TTC13: variants seen among roughly 807,000 people sequenced by gnomAD.
The protein encoded by TTC13 is tetratricopeptide repeat protein 13.
In TTC13, 62 loss-of-function variants were observed where a neutral mutation model predicts 120.0. The observed-to-expected ratio is 0.52, with a 90% confidence interval of 0.42 to 0.64. The LOEUF (loss-of-function observed/expected upper bound fraction) is 0.64. Ranked by LOEUF, TTC13 falls within the 30% of genes least tolerant of loss-of-function variation. The pLI is 0.00. For synonymous variants in TTC13, 384 were observed against 393.5 expected (o/e 0.98, Z 0.28); for missense variants, 824 against 1,050.2 (o/e 0.78, Z 2.98).
At chr1:230,947,010 T>C (rs1675066208) in intron 4 of TTC13, among the ~76,000 whole-genome samples, 1 of 151,970 alleles carries the variant, frequency 6.6e-6, no homozygotes, top group Admixed American at 6.6e-5. Flanking sequence ...CTCTGGGGAG[T>C]GAGATTACTA....
chr1:230,951,785 A>T (rs1675610685), intron 4 of TTC13, among the ~76,000 whole-genome samples: 1 of 152,228 alleles, frequency 6.6e-6, no homozygotes, highest in Non-Finnish European at 1.5e-5. Flanking sequence ...GATTTAGAGA[A>T]TAATCATGTG....
intron 17 of TTC13, among the ~76,000 whole-genome samples, chr1:230,919,454 T>C (rs113929935): frequency 0.029 from 4,393 of 152,292 alleles, 82 homozygotes; most frequent in Non-Finnish European, 0.044. Context: ...AAACACTTCC[T>C]GTTAGGCTCC....
intron 20 of TTC13, among the ~76,000 whole-genome samples, chr1:230,909,299 T>C (rs934870712): frequency 1.3e-5 from 2 of 151,946 alleles, no homozygotes; most frequent in African/African-American, 4.8e-5. Context: ...AGGTCAGGAG[T>C]TTGACAGCAA....
At chr1:230,913,966 C>T (rs1003968682) in intron 18 of TTC13, among the ~76,000 whole-genome samples, 9 of 152,128 alleles carry the variant, frequency 5.9e-5, no homozygotes, top group Non-Finnish European at 1.0e-4. Context: ...CAGGCAATGG[C>T]TGGGTATGGA....
At chr1:230,909,060 G>T in intron 20 of TTC13, 40 bp from the exon 21 acceptor site, 1 of 1,533,690 alleles carries the variant, frequency 6.5e-7, no homozygotes, top group Non-Finnish European at 8.9e-7. Flanking sequence ...ATCCTGGACG[G>T]TCTACAGTTA....
chr1:230,949,938 C>T (rs1490368845), intron 4 of TTC13, among the ~76,000 whole-genome samples: 1 of 152,206 alleles, frequency 6.6e-6, no homozygotes, highest in Non-Finnish European at 1.5e-5. Flanking sequence ...CCTGAGCCAC[C>T]ACGCCCGGCC....
chr1:230,911,553 G>C lies in TTC13; in HGVS notation c.2230-4C>G. 2 of 1,494,104 alleles carry C rather than the reference G, an allele frequency of 1.3e-6. No homozygotes were observed. Among genetic ancestry groups the C allele is most frequent in the Non-Finnish European group, 1.8e-6 (2 of 1,119,800 alleles). The allele number at this position is 1,494,104 out of a possible 1,614,324, so 92.6% of individuals were successfully genotyped here. On this transcript the variant is annotated splice_polypyrimidine_tract_variant and splice_region_variant and intron_variant, in intron 19 of 22. Transcript: ENST00000366661. ...AGTTGCAGACAGCATCAGCCTCCTA[G>C]AAAAAAAAGATACAGACTCATAAAT...
chr1:230,926,426 G>T (rs1026976179), intron 12 of TTC13, among the ~76,000 whole-genome samples: 1 of 152,136 alleles, frequency 6.6e-6, no homozygotes, highest in African/African-American at 2.4e-5. Context: ...AGACTCAGTG[G>T]CCAGGGTTAC....
intron 8 of TTC13, among the ~76,000 whole-genome samples, chr1:230,937,891 G>A (rs1387685066): frequency 6.6e-6 from 1 of 152,164 alleles, no homozygotes; most frequent in Non-Finnish European, 1.5e-5. Context: ...ATTGCCCATG[G>A]AGCTTGGAGC....
At chr1:230,925,128 G>A (rs1374153437) in intron 13 of TTC13, among the ~76,000 whole-genome samples, 155 bp from the exon 14 acceptor site, 1 of 152,150 alleles carries the variant, frequency 6.6e-6, no homozygotes, top group African/African-American at 2.4e-5. Flanking sequence ...CAGTCATGAT[G>A]GTCCTACTAA....
Position 230,923,837 on chromosome 1 carries a change from G to A in TTC13, c.1814+4C>T, listed in dbSNP as rs1319516804. The A allele has an allele frequency of 8.1e-6, 13 of 1,610,968 alleles. No homozygotes were observed. Among genetic ancestry groups the A allele is most frequent in the South Asian group, 1.1e-5 (1 of 90,870 alleles). On this transcript the variant is annotated splice_donor_region_variant and intron_variant, in intron 15 of 22. Coordinates refer to ENST00000366661, the MANE Select transcript of TTC13 (RefSeq NM_024525.5). ...AAGAAGAAAGATGCACAAAAGGTTC[G>A]TACCTGATTAAATTAATGTGGTTGT...
At chr1:230,934,836 C>T (rs1673891460) in intron 8 of TTC13, among the ~76,000 whole-genome samples, 1 of 152,226 alleles carries the variant, frequency 6.6e-6, no homozygotes, top group Admixed American at 6.5e-5. Flanking sequence ...AAGAAAACTA[C>T]TGAAGATGTC....
At chr1:230,956,132 A>G (rs59493856) in intron 3 of TTC13, among the ~76,000 whole-genome samples, 5,701 of 152,332 alleles carry the variant, frequency 0.037, 364 homozygotes, top group African/African-American at 0.13. Flanking sequence ...AAGGAAATAA[A>G]GTAGAAAGTG....
chr1:230,965,628 CAA>C (rs952346635), intron 1 of TTC13, among the ~76,000 whole-genome samples: 11 of 152,154 alleles, frequency 7.2e-5, no homozygotes, highest in African/African-American at 2.7e-4. Context: ...GGTACATACC[CAA>C]AAGACAGGAA....
intron 22 of TTC13, chr1:230,908,504 T>G (rs1671161120): frequency 1.7e-6 from 1 of 574,920 alleles, no homozygotes; most frequent in Non-Finnish European, 3.1e-6. Context: ...TAGTCCATTT[T>G]TATCCATACA....
At chr1:230,914,270 A>T (rs1183660405) in intron 18 of TTC13, among the ~76,000 whole-genome samples, 1 of 152,130 alleles carries the variant, frequency 6.6e-6, no homozygotes, top group African/African-American at 2.4e-5. Flanking sequence ...CACCCCTGAG[A>T]CAGCAAGACC....
intron 4 of TTC13, among the ~76,000 whole-genome samples, chr1:230,945,860 T>C (rs9431911): frequency 0.68 from 103,287 of 152,082 alleles, 35,182 homozygotes; most frequent in Admixed American, 0.72. Flanking sequence ...TAATGTGTTT[T>C]CTTTCATATA....
rs1678657521 is a variant in TTC13 at position 230,978,740 on chromosome 1, G to T, written c.91C>A (p.Leu31Met). ...AGCCCGGCGGACAGGACCCCCAGCA[G>T]CAGCAGCAGCAGGACACGCCGGGCG... is the stretch of plus-strand genomic sequence containing the variant. Reference protein sequence around the residue: ...GAARRVLLLLLLGVLSAGLRP... With the variant: ...GAARRVLLLLMLGVLSAGLRP... Residue 31 changes from leucine to methionine, a missense_variant, in exon 1 of 23, where the codon CTG becomes ATG. This residue lies in a region of TTC13 where 160 missense variants were observed against 137.2 expected (regional missense o/e 1.17). Coordinates refer to ENST00000366661, the MANE Select transcript of TTC13 (RefSeq NM_024525.5). This position sits in a 1 kb window ranked among gnomAD's most constrained non-coding sequence, Gnocchi z 5.6. The T allele has an allele frequency of 1.3e-6, 2 of 1,495,310 alleles. No individual in the cohort carries two copies. The highest frequency in any genetic ancestry group is 1.8e-6 in the Non-Finnish European group (2 of 1,130,116). 92.6% of individuals were successfully genotyped at this position (1,495,310 alleles called of 1,614,324 possible). A position where few individuals can be genotyped will look rare whatever the true frequency, so the allele number is the denominator to read the frequency against.
At position 230,978,454 on chromosome 1, in the gene TTC13, C is replaced by T. The variant is rs1572327377; in HGVS notation, c.271+106G>A. 2.4e-5 allele frequency: 7 copies of T among 291,866 alleles called. No homozygotes were observed. In the East Asian group the frequency reaches 4.4e-4, roughly 18 times the overall value. The allele number at this position is 291,866 out of a possible 1,614,324, so 18.1% of individuals were successfully genotyped here. A position where few individuals can be genotyped will look rare whatever the true frequency, so the allele number is the denominator to read the frequency against. ...GAGCCGGCTCCCGCGGATCGCGCGCCGCAGCCGGAGGCGTGAGGCCCGGGC... is the reference window on the plus strand; with the variant it reads ...GAGCCGGCTCCCGCGGATCGCGCGCTGCAGCCGGAGGCGTGAGGCCCGGGC... On this transcript the variant is annotated intron_variant, in intron 1 of 22. Transcript: ENST00000366661. This position sits in a 1 kb window ranked among gnomAD's most constrained non-coding sequence, Gnocchi z 5.6.
Sources: allele counts gnomAD v4.1 joint callset (sites outside exome capture counted in the v4.1 genomes callset), GRCh38; gene constraint gnomAD v4.1.1; regional missense constraint gnomAD v4.1.1; non-coding constraint Gnocchi (gnomAD v3.1); transcripts MANE v1.5; gene names NCBI Gene and HGNC (gene_info 2026-07-23, HGNC 2026-07-21).